Variants in IGF2BP2 observed in about 807,000 individuals in gnomAD.
IGF2BP2 encodes the protein insulin-like growth factor 2 mRNA-binding protein 2.
In IGF2BP2, 17 loss-of-function variants were observed where a neutral mutation model predicts 75.8. The ratio of observed to expected loss-of-function variants is 0.22; its 90% CI spans 0.15 to 0.34. The LOEUF is 0.34. IGF2BP2 is among the 10% of genes least tolerant of loss of function. The probability of loss-of-function intolerance (pLI) is 1.00; values close to 1 mark genes in which losing one functional copy is unlikely to be tolerated. For missense variants in IGF2BP2, 516 were observed against 772.4 expected (o/e 0.67, Z 3.93); for synonymous variants, 288 against 295.6 (o/e 0.97, Z 0.26).
At chr3:185,806,872 G>C (rs1031750218) in intron 2 of IGF2BP2, among the ~76,000 whole-genome samples, 16 of 152,086 alleles carry the variant, frequency 1.1e-4, no homozygotes, top group Admixed American at 7.9e-4. Flanking sequence ...TTTTAGCAGG[G>C]GAGAGAACTG....
chr3:185,760,955 C>T (rs1307381679), intron 2 of IGF2BP2, among the ~76,000 whole-genome samples: 1 of 152,142 alleles, frequency 6.6e-6, no homozygotes, highest in Non-Finnish European at 1.5e-5. Context: ...TGTTCATTTG[C>T]ATTTTTCTTA....
At chr3:185,767,102 G>T (rs549475211) in intron 2 of IGF2BP2, among the ~76,000 whole-genome samples, 2 of 152,244 alleles carry the variant, frequency 1.3e-5, no homozygotes, top group South Asian at 2.1e-4. Flanking sequence ...TCCCAATCTG[G>T]CAGAGGCAGT....
intron 2 of IGF2BP2, among the ~76,000 whole-genome samples, chr3:185,769,919 T>C (rs1733655000): frequency 6.6e-6 from 1 of 151,376 alleles, no homozygotes; most frequent in Non-Finnish European, 1.5e-5. Flanking sequence ...TCATGCTTAC[T>C]ATCTATTAGG....
In IGF2BP2 at chr3:185,687,124, C is replaced by G. The variant is rs1458759937; in HGVS notation, c.745G>C (p.Glu249Gln). The change falls in exon 7 of 16, where the codon GAG (glutamate) becomes CAG (glutamine). Residue 249 changes from glutamate (E) to glutamine (Q), a missense_variant. By Grantham distance (29) the Glu-to-Gln change is conservative. Coordinates refer to ENST00000382199, the MANE Select transcript of IGF2BP2 (RefSeq NM_006548.6). ...ATGCGGCATGCTTCAGAAGTCCCCT[C>G]TGGGGTGGCATGGATGGTGACAGGC... ...EKPVTIHATPEGTSEACRMIL... is the reference protein window; with the variant it reads ...EKPVTIHATPQGTSEACRMIL... 1.2e-6 allele frequency: 2 copies of G among 1,613,868 alleles called. No homozygotes were observed. The highest frequency in any genetic ancestry group is 1.3e-5 in the African/African-American group (1 of 74,914).
intron 2 of IGF2BP2, among the ~76,000 whole-genome samples, chr3:185,822,577 G>C (rs1289720576): frequency 6.6e-6 from 1 of 152,092 alleles, no homozygotes; most frequent in East Asian, 1.9e-4. Flanking sequence ...ACAACAAAAT[G>C]CTCAGAAGCT....
chr3:185,655,582 TAG>T (rs1189369643), intron 12 of IGF2BP2, among the ~76,000 whole-genome samples: 8 of 152,220 alleles, frequency 5.3e-5, no homozygotes, highest in Admixed American at 3.9e-4. Flanking sequence ...TCCTAAGCTG[TAG>T]AGTCCATTCT....
At chr3:185,785,558 C>G (rs1426717314) in intron 2 of IGF2BP2, among the ~76,000 whole-genome samples, 1 of 152,076 alleles carries the variant, frequency 6.6e-6, no homozygotes, top group Non-Finnish European at 1.5e-5. Context: ...GTGGCTTGTG[C>G]CTGTAATTCC....
chr3:185,726,240 AAGGAATGGACCCAGGGTCAGAGG>A (rs559608294), intron 2 of IGF2BP2, among the ~76,000 whole-genome samples: 3 of 152,192 alleles, frequency 2.0e-5, no homozygotes, highest in African/African-American at 7.2e-5. Flanking sequence ...AACAGGTAAT[AAGGAATGGACCCAGGGTCAGAGG>A]AGGAATGGAC....
chr3:185,650,088 CTTTT>C (rs542843120), intron 13 of IGF2BP2, among the ~76,000 whole-genome samples: 2 of 125,982 alleles, frequency 1.6e-5, no homozygotes, highest in Non-Finnish European at 3.5e-5. Flanking sequence ...TGTTTTCATT[CTTTT>C]TTTTTTTTTT....
intron 2 of IGF2BP2, among the ~76,000 whole-genome samples, chr3:185,783,404 A>T (rs9870252): frequency 0.036 from 5,422 of 152,278 alleles, 311 homozygotes; most frequent in African/African-American, 0.12. Context: ...GTAGAAAGCC[A>T]CTGTGATTGC....
At chr3:185,671,034 T>C (rs1422735309) in intron 10 of IGF2BP2, among the ~76,000 whole-genome samples, 1 of 152,208 alleles carries the variant, frequency 6.6e-6, no homozygotes, top group Admixed American at 6.5e-5. Context: ...TGCCACTTGG[T>C]TGTACCTCAT....
rs575441484 is a variant in IGF2BP2 at position 185,761,836 on chromosome 3, C to T, written c.239+61317G>A. Among the ~76,000 whole-genome samples the T allele has an allele frequency of 5.3e-5, 8 of 152,302 alleles. No individual in the cohort carries two copies. In the South Asian group the frequency reaches 1.7e-3, roughly 32 times the overall value. Reference sequence around the variant, plus strand: ...AACAACATGCAAGTGTGCTTCAGAACGTGAAAGCACAATTTAGCAAAATAA... The same window carrying T: ...AACAACATGCAAGTGTGCTTCAGAATGTGAAAGCACAATTTAGCAAAATAA... On this transcript the variant is annotated intron_variant, in intron 2 of 15. Coordinates refer to ENST00000382199, the MANE Select transcript of IGF2BP2 (RefSeq NM_006548.6).
chr3:185,823,777 G>C (rs987163734), intron 1 of IGF2BP2, among the ~76,000 whole-genome samples: 6 of 151,902 alleles, frequency 3.9e-5, no homozygotes, highest in African/African-American at 1.4e-4. Flanking sequence ...CGCCGGGCCG[G>C]GGTTCGGGGG....
At chr3:185,733,771 T>TA (rs568958705) in intron 2 of IGF2BP2, among the ~76,000 whole-genome samples, 143 of 151,526 alleles carry the variant, frequency 9.4e-4, no homozygotes, top group Non-Finnish European at 1.6e-3. Context: ...ATAATAATAA[T>TA]AATAAATAAA....
intron 4 of IGF2BP2, 64 bp downstream of exon 4, chr3:185,696,548 T>C: frequency 7.2e-7 from 1 of 1,391,564 alleles, no homozygotes; most frequent in Non-Finnish European, 1.0e-6. Flanking sequence ...GGAGTTGACC[T>C]AACCTATAAG....
At chr3:185,760,335 C>CA (rs1732191058) in intron 2 of IGF2BP2, among the ~76,000 whole-genome samples, 1 of 151,948 alleles carries the variant, frequency 6.6e-6, no homozygotes, top group Admixed American at 6.6e-5. Context: ...TTTTTCCCTT[C>CA]AGTATGTTAC....
intron 2 of IGF2BP2, chr3:185,728,940 T>C (rs752781328): frequency 2.0e-5 from 3 of 152,206 alleles, no homozygotes; most frequent in Non-Finnish European, 4.4e-5. Flanking sequence ...TTTTCACTCA[T>C]GGTGCAAAAG....
intron 10 of IGF2BP2, among the ~76,000 whole-genome samples, chr3:185,672,210 T>A (rs1372831216): frequency 2.6e-5 from 4 of 152,230 alleles, no homozygotes; most frequent in Admixed American, 2.6e-4. Context: ...TTTTAATAAA[T>A]TACCATCACT....
intron 4 of IGF2BP2, among the ~76,000 whole-genome samples, chr3:185,695,086 C>CA (rs911771672): frequency 1.6e-3 from 225 of 142,864 alleles, no homozygotes; most frequent in African/African-American, 4.7e-3. Flanking sequence ...GACTCCGCCT[C>CA]AAAAAAAAAA....
Sources: gnomAD v4.1 joint callset for allele counts (sites outside exome capture counted in the v4.1 genomes callset) on GRCh38, gnomAD v4.1.1 for gene constraint, MANE v1.5 for transcripts, NCBI Gene and HGNC (gene_info 2026-07-23, HGNC 2026-07-21) for gene names.